Variants in PHF19 observed in about 807,000 individuals in gnomAD.
PHF19 encodes PHD finger protein 19, also known as polycomb like 3.
Under a neutral mutation model 79.8 loss-of-function variants are expected in PHF19, and 21 were observed. That is an observed-to-expected ratio of 0.26 (90% CI 0.19 to 0.38). The LOEUF is 0.38. Among genes scored for constraint, PHF19 ranks in the 10% least tolerant of loss-of-function variants. PHF19 has a pLI of 1.00. For synonymous variants in PHF19, 273 were observed against 296.3 expected, an observed-to-expected ratio of 0.92 and a Z score of 0.81; for missense variants, 445 against 744.2, an observed-to-expected ratio of 0.60 and a Z score of 4.68.
chr9:120,881,760 A>G (rs533703753), upstream of PHF19, among the ~76,000 whole-genome samples: 10 of 151,666 alleles, frequency 6.6e-5, no homozygotes, highest in Non-Finnish European at 1.3e-4. Context: ...CACCCTTCTT[A>G]TTTGTTTGTT....
At position 120,858,204 on chromosome 9, in the gene PHF19, C is replaced by A; in HGVS notation, c.1483G>T (p.Asp495Tyr). 2 of 1,592,292 alleles carry A rather than the reference C, an allele frequency of 1.3e-6. No homozygotes were observed. Among genetic ancestry groups the A allele is most frequent in the Non-Finnish European group, 1.7e-6 (2 of 1,163,768 alleles). The change falls in exon 15 of 15, where the codon GAT (aspartate) becomes TAT (tyrosine). Residue 495 changes from aspartate to tyrosine, a missense_variant. Asp to Tyr is a radical substitution (Grantham distance 160, BLOSUM62 -3). Transcript: ENST00000373896. ...LRAKRWAAELDGRCPSDSSAE... is the reference protein window; with the variant it reads ...LRAKRWAAELYGRCPSDSSAE... ...CTGCTGTCCGAGGGGCAGCGTCCAT[C>A]CAGCTCAGCTGCCCACCGCTTTGCC...
rs975273698 is a variant in PHF19, at chr9:120,869,048, G to A, written c.614+134C>T. 3 of 679,160 alleles carry A rather than the reference G, an allele frequency of 4.4e-6. No individual in the cohort carries two copies. Among genetic ancestry groups the A allele is most frequent in the Non-Finnish European group, 5.7e-6 (3 of 521,846 alleles). The allele number at this position is 679,160 out of a possible 1,614,324, so 42.1% of individuals were successfully genotyped here. ...CGCCCCTCGAGGCCCCGCCCCCACA[G>A]CGCAACACACTGGGCCCGCCCTCAA... On this transcript the variant is annotated intron_variant, in intron 6 of 14. Transcript: ENST00000373896. This position sits in a 1 kb window ranked among gnomAD's most constrained non-coding sequence, Gnocchi z 5.8.
rs2045829234 is a variant in PHF19, at chr9:120,869,658, CA to C, written c.465+186del. 6.5e-7 allele frequency: 1 copy of C among 1,545,318 alleles called. No homozygotes were observed. The highest frequency in any genetic ancestry group is 2.5e-5 in the East Asian group (1 of 40,782). Reference sequence around the variant, plus strand: ...CGACACCAAACCCATCTCCACTTTACAGTTGAGGAAACTGAGGCTCAGGGAG... The same window carrying C: ...CGACACCAAACCCATCTCCACTTTACGTTGAGGAAACTGAGGCTCAGGGAG... On this transcript the variant is annotated intron_variant, in intron 5 of 14. Transcript: ENST00000373896. The surrounding 1 kb of genome is among the most constrained non-coding windows in gnomAD (Gnocchi z 5.8).
chr9:120,874,548 G>A lies in PHF19; in HGVS notation c.186+8C>T. On this transcript the variant is annotated splice_region_variant and intron_variant, in intron 2 of 14. Transcript: ENST00000373896. The surrounding 1 kb of genome is among the most constrained non-coding windows in gnomAD (Gnocchi z 4.5). Reference sequence around the variant, plus strand: ...TCTGAGAACAGGGGCCAGAGAGGATGGGTTTACCCTCTTGATCTTCCCGAG... The same window carrying A: ...TCTGAGAACAGGGGCCAGAGAGGATAGGTTTACCCTCTTGATCTTCCCGAG... 6.4e-7 allele frequency: 1 copy of A among 1,567,428 alleles called. No individual in the cohort carries two copies. Among genetic ancestry groups the A allele is most frequent in the Non-Finnish European group, 8.8e-7 (1 of 1,138,248 alleles).
chr9:120,869,815 G>A lies in PHF19; in HGVS notation c.465+30C>T, dbSNP rs984024625. On this transcript the variant is annotated intron_variant, in intron 5 of 14. Coordinates refer to ENST00000373896, the MANE Select transcript of PHF19 (RefSeq NM_015651.3). The surrounding 1 kb of genome is among the most constrained non-coding windows in gnomAD (Gnocchi z 5.8). Reference sequence around the variant, plus strand: ...CTGCCCCACTGGAGGAGGCAGGAGAGGCAGGGACTGGGGAGGATGGAAGGC... The same window carrying A: ...CTGCCCCACTGGAGGAGGCAGGAGAAGCAGGGACTGGGGAGGATGGAAGGC... The A allele has an allele frequency of 5.6e-6, 9 of 1,612,924 alleles. No individual in the cohort carries two copies. The South Asian group carries it at 6.6e-5, about 12-fold the overall frequency.
Position 120,869,127 on chromosome 9 carries a change from G to A in PHF19, c.614+55C>T, listed in dbSNP as rs1045112957. On this transcript the variant is annotated intron_variant, in intron 6 of 14. Coordinates refer to ENST00000373896, the MANE Select transcript of PHF19 (RefSeq NM_015651.3). This position sits in a 1 kb window ranked among gnomAD's most constrained non-coding sequence, Gnocchi z 5.8. ...TCGCTCCCTATGGGCGGTCCCTGCT[G>A]GCGATTCTTGGAGACCTGCCCTGCC... The A allele has an allele frequency of 4.1e-5, 64 of 1,544,336 alleles. No homozygotes were observed. The highest frequency in any genetic ancestry group is 5.4e-5 in the Non-Finnish European group (62 of 1,145,148).
In PHF19 at chr9:120,857,467, GCT is replaced by G. The variant is rs2045385666; in HGVS notation, c.*475_*476del. The G allele has an allele frequency of 1.3e-5, 2 of 155,712 alleles. No homozygotes were observed. The highest frequency in any genetic ancestry group is 1.9e-4 in the East Asian group (1 of 5,274). 9.6% of individuals were successfully genotyped at this position (155,712 alleles called of 1,614,324 possible). On this transcript the variant is annotated 3_prime_UTR_variant, in exon 15 of 15. Transcript: ENST00000373896. ...CATCCTCTTATCCACCTTCTCCCAT[GCT>G]CTCTCAAAGGTGCCTGTTATGTAGT...
Position 120,870,156 on chromosome 9 carries a change from G to A in PHF19, c.365-211C>T, listed in dbSNP as rs190341707. 1.3e-4 allele frequency among the ~76,000 whole-genome samples: 20 copies of A among 152,190 alleles called. No individual in the cohort carries two copies. The South Asian group carries it at 3.7e-3, about 28-fold the overall frequency. The stretch of plus-strand genomic sequence containing the variant: ...ACAGCATTGGCCAGTTGTGGGGTTG[G>A]GGGGGACACAGGAAGGTCTGACTTC... On this transcript the variant is annotated intron_variant, in intron 4 of 14. Coordinates refer to ENST00000373896, the MANE Select transcript of PHF19 (RefSeq NM_015651.3). This position sits in a 1 kb window ranked among gnomAD's most constrained non-coding sequence, Gnocchi z 4.4.
At chr9:120,859,558 T>C in intron 14 of PHF19, among the ~76,000 whole-genome samples, 1 of 152,234 alleles carries the variant, frequency 6.6e-6, no homozygotes, top group East Asian at 1.9e-4. Flanking sequence ...CCAGTTGTAC[T>C]GGAGATAGGC....
At position 120,866,744 on chromosome 9, in the gene PHF19, T is replaced by A; in HGVS notation, c.710+126A>T. 1 of 651,220 alleles carries A rather than the reference T, an allele frequency of 1.5e-6. No individual in the cohort carries two copies. The highest frequency in any genetic ancestry group is 2.9e-6 in the Non-Finnish European group (1 of 349,404). 40.3% of individuals were successfully genotyped at this position (651,220 alleles called of 1,614,324 possible). On this transcript the variant is annotated intron_variant, in intron 7 of 14. Transcript: ENST00000373896. This position sits in a 1 kb window ranked among gnomAD's most constrained non-coding sequence, Gnocchi z 5.2. The stretch of plus-strand genomic sequence containing the variant: ...CCTTGAGCTGCCTCCAGTAAACAGG[T>A]AGGCATACATTGTCACAGACCTCCT...
upstream of PHF19, among the ~76,000 whole-genome samples, chr9:120,897,837 G>A: frequency 6.6e-6 from 1 of 151,810 alleles, no homozygotes; most frequent in African/African-American, 2.4e-5. Context: ...AAATGAGCCG[G>A]GTGTGGTGGT....
chr9:120,876,997 G>C (rs2046081674), intron 1 of PHF19, 94 bp downstream of exon 1: 1 of 985,342 alleles, frequency 1.0e-6, no homozygotes, highest in South Asian at 4.7e-5. Flanking sequence ...GAGGCGTTCG[G>C]GCCGCCAAAG....
In PHF19 at chr9:120,874,888, C is replaced by T. The variant is rs111810588; in HGVS notation, c.-15-132G>A. 21 of 608,938 alleles carry T rather than the reference C, an allele frequency of 3.4e-5. No homozygotes were observed. Among genetic ancestry groups the T allele is most frequent in the South Asian group, 1.4e-4 (7 of 51,414 alleles). 37.7% of individuals were successfully genotyped at this position (608,938 alleles called of 1,614,324 possible). On this transcript the variant is annotated intron_variant, in intron 1 of 14. Transcript: ENST00000373896. The surrounding 1 kb of genome is among the most constrained non-coding windows in gnomAD (Gnocchi z 4.5). ...CTTGGTTATTATCTCACTGATTCCT[C>T]GTGACCATCCTATGAGGGAGACATT...
intron 1 of PHF19, among the ~76,000 whole-genome samples, chr9:120,887,237 C>T (rs1370503716): frequency 4.0e-5 from 6 of 151,564 alleles, no homozygotes; most frequent in South Asian, 2.1e-4. Context: ...GGCGGATCAC[C>T]TGAGGTCAGG....
chr9:120,875,018 A>G (rs1215384760), intron 1 of PHF19, among the ~76,000 whole-genome samples: 1 of 152,146 alleles, frequency 6.6e-6, no homozygotes, highest in Non-Finnish European at 1.5e-5. Context: ...TTTTAAAGAG[A>G]ATGGATCTCT....
chr9:120,888,965 C>T (rs2046304069), intron 1 of PHF19, among the ~76,000 whole-genome samples: 1 of 152,186 alleles, frequency 6.6e-6, no homozygotes, highest in African/African-American at 2.4e-5. Flanking sequence ...GGATTTAGCT[C>T]CACTAGGATT....
chr9:120,858,831 A>ACACACACG, intron 14 of PHF19, among the ~76,000 whole-genome samples: 1 of 151,454 alleles, frequency 6.6e-6, no homozygotes, highest in East Asian at 1.9e-4. Context: ...ACACACACAC[A>ACACACACG]CACACACACA....
chr9:120,894,173 C>A (rs1366755940), intron 1 of PHF19, among the ~76,000 whole-genome samples: 1 of 152,170 alleles, frequency 6.6e-6, no homozygotes, highest in African/African-American at 2.4e-5. Context: ...ACGTGGGAAG[C>A]CTGCCTGGCA....
intron 1 of PHF19, among the ~76,000 whole-genome samples, chr9:120,884,806 A>T (rs1490229694): frequency 1.3e-5 from 2 of 151,932 alleles, no homozygotes; most frequent in Non-Finnish European, 2.9e-5. Context: ...CTATGATCCC[A>T]GCTACTCCAG....
Sources: allele counts gnomAD v4.1 joint callset (sites outside exome capture counted in the v4.1 genomes callset), GRCh38; gene constraint gnomAD v4.1.1; non-coding constraint Gnocchi (gnomAD v3.1); transcripts MANE v1.5; gene names NCBI Gene and HGNC (gene_info 2026-07-23, HGNC 2026-07-21).